CLASP2: variants seen among roughly 807,000 people sequenced by gnomAD.
CLASP2 encodes CLIP-associating protein 2.
A neutral mutation model predicts 194.4 loss-of-function variants in CLASP2; 47 were observed. That is an observed-to-expected ratio of 0.24 (90% CI 0.19 to 0.31). The LOEUF is 0.31. CLASP2 is among the 10% of genes least tolerant of loss of function. The pLI, the probability that CLASP2 is intolerant of heterozygous loss-of-function variation, is 1.00. For missense variants in CLASP2, 1,445 were observed against 1,823.6 expected, an observed-to-expected ratio of 0.79 and a Z score of 3.78; for synonymous variants, 619 against 633.5, an observed-to-expected ratio of 0.98 and a Z score of 0.34.
intron 18 of CLASP2, chr3:33,602,309 T>G: frequency 1.9e-6 from 1 of 516,134 alleles, no homozygotes; most frequent in Non-Finnish European, 3.4e-6. Context: ...TCAAAAAGTT[T>G]CAGATTTTGG....
At chr3:33,608,480 G>A in intron 14 of CLASP2, 87 bp downstream of exon 14, 1 of 1,061,910 alleles carries the variant, frequency 9.4e-7, no homozygotes, top group Middle Eastern at 2.0e-4. Flanking sequence ...AGCAAAATGA[G>A]AAATAATGTA....
intron 6 of CLASP2, among the ~76,000 whole-genome samples, chr3:33,668,831 T>C (rs114221286): frequency 8.6e-4 from 131 of 152,294 alleles, no homozygotes; most frequent in African/African-American, 3.0e-3. Flanking sequence ...ATCAACCTCT[T>C]ACTGACTAGC....
intron 8 of CLASP2, among the ~76,000 whole-genome samples, chr3:33,639,891 C>A (rs1022696589): frequency 2.0e-5 from 3 of 152,174 alleles, no homozygotes; most frequent in African/African-American, 4.8e-5. Context: ...CAAGAGGAAG[C>A]CCCTGACAGT....
Position 33,585,035 on chromosome 3 carries a change from G to A in CLASP2, c.2069-115C>T, listed in dbSNP as rs750289288. 4.8e-6 allele frequency: 4 copies of A among 828,296 alleles called. No individual in the cohort carries two copies. In the Admixed American group the frequency reaches 1.3e-4, roughly 27 times the overall value. The allele number at this position is 828,296 out of a possible 1,614,324, so 51.3% of individuals were successfully genotyped here. ...AGAGAAAACTGTGACAGTATGGCAG[G>A]TTCTACGCTCAAAGGAAATAGACCG... On this transcript the variant is annotated intron_variant, in intron 21 of 38. Transcript: ENST00000682230.
Position 33,501,695 on chromosome 3 carries a change from C to T in CLASP2, c.4391G>A (p.Gly1464Asp). Residue 1464 changes from glycine (G) to aspartate (D), a missense_variant, in exon 38 of 39, where the codon GGT becomes GAT. Coordinates refer to ENST00000682230, the MANE Select transcript of CLASP2 (RefSeq NM_001365631.1). ...FCLVAVHAVIGDELKPHLSQL... is the reference protein window; with the variant it reads ...FCLVAVHAVIDDELKPHLSQL... ...ACTGAGATGTGGTTTTAGTTCATCA[C>T]CAATTACCGCATGAACAGCCACCAG... 6.2e-7 allele frequency: 1 copy of T among 1,613,578 alleles called. No individual in the cohort carries two copies. Among genetic ancestry groups the T allele is most frequent in the Non-Finnish European group, 8.5e-7 (1 of 1,179,628 alleles).
intron 1 of CLASP2, among the ~76,000 whole-genome samples, chr3:33,699,916 C>G (rs1258645006): frequency 6.8e-6 from 1 of 147,426 alleles, no homozygotes; most frequent in Non-Finnish European, 1.5e-5. Flanking sequence ...TAATTCTATA[C>G]CTAGTTAAAA....
intron 28 of CLASP2, among the ~76,000 whole-genome samples, chr3:33,560,363 C>T (rs1476552557): frequency 6.6e-6 from 1 of 152,070 alleles, no homozygotes; most frequent in Non-Finnish European, 1.5e-5. Flanking sequence ...CTTCCTCAGC[C>T]TCTGGAGTAG....
intron 34 of CLASP2, among the ~76,000 whole-genome samples, chr3:33,534,571 A>G (rs1387747973): frequency 1.3e-5 from 2 of 152,166 alleles, no homozygotes; most frequent in Non-Finnish European, 2.9e-5. Flanking sequence ...AGTCTCTTAA[A>G]CAAAACACTA....
chr3:33,691,214 C>A (rs1318745713), intron 2 of CLASP2, among the ~76,000 whole-genome samples: 2 of 152,104 alleles, frequency 1.3e-5, no homozygotes, highest in Non-Finnish European at 2.9e-5. Flanking sequence ...TGGGGGACTA[C>A]TACATAGCTT....
At chr3:33,631,867 G>A (rs1577480949) in intron 9 of CLASP2, among the ~76,000 whole-genome samples, 1 of 151,588 alleles carries the variant, frequency 6.6e-6, no homozygotes, top group African/African-American at 2.4e-5. Flanking sequence ...AAAAAGCACT[G>A]AGTAAAAAGT....
intron 7 of CLASP2, among the ~76,000 whole-genome samples, chr3:33,645,969 C>A (rs551659494): frequency 2.7e-4 from 36 of 135,718 alleles, no homozygotes; most frequent in African/African-American, 9.5e-4. Flanking sequence ...CACACACACA[C>A]ACACACAATG....
At chr3:33,576,606 A>ACC (rs1371928587) in intron 23 of CLASP2, among the ~76,000 whole-genome samples, 4 of 152,198 alleles carry the variant, frequency 2.6e-5, no homozygotes, top group Non-Finnish European at 5.9e-5. Flanking sequence ...TATCATCCAT[A>ACC]CGGCTGAATC....
chr3:33,542,726 TTA>T (rs1270983724), intron 32 of CLASP2, among the ~76,000 whole-genome samples: 3 of 151,536 alleles, frequency 2.0e-5, no homozygotes, highest in African/African-American at 4.8e-5. Flanking sequence ...TATTTGTTAT[TTA>T]TATGTTTTGT....
rs573616983 is a variant in CLASP2 at position 33,604,142 on chromosome 3, A to C, written c.1750+12T>G. Reference sequence around the variant, plus strand: ...AAAATAGGTTATAACTCTTATTTAAAGAGAAAATTACCTCTTCCAGCCACA... The same window carrying C: ...AAAATAGGTTATAACTCTTATTTAACGAGAAAATTACCTCTTCCAGCCACA... On this transcript the variant is annotated intron_variant, in intron 17 of 38. Coordinates refer to ENST00000682230, the MANE Select transcript of CLASP2 (RefSeq NM_001365631.1). 3.2e-6 allele frequency: 5 copies of C among 1,544,932 alleles called. No individual in the cohort carries two copies. The South Asian group carries it at 6.0e-5, about 18-fold the overall frequency.
chr3:33,682,444 G>A (rs2089998697), intron 6 of CLASP2, among the ~76,000 whole-genome samples: 1 of 152,142 alleles, frequency 6.6e-6, no homozygotes. Flanking sequence ...TTTAAACCAA[G>A]TAATAGGTAA....
intron 1 of CLASP2, among the ~76,000 whole-genome samples, chr3:33,699,557 AGTATAG>A (rs1168433425): frequency 2.0e-5 from 3 of 152,202 alleles, no homozygotes; most frequent in African/African-American, 4.8e-5. Context: ...ACATTGTTAC[AGTATAG>A]TAGTCCCCCC....
intron 6 of CLASP2, among the ~76,000 whole-genome samples, chr3:33,678,282 A>T (rs2089194852): frequency 6.6e-6 from 1 of 152,134 alleles, no homozygotes; most frequent in Non-Finnish European, 1.5e-5. Context: ...GAGAACACCA[A>T]GCAGAACAAA....
intron 1 of CLASP2, among the ~76,000 whole-genome samples, chr3:33,713,672 T>A (rs977918034): frequency 1.3e-5 from 2 of 152,114 alleles, no homozygotes; most frequent in Non-Finnish European, 2.9e-5. Context: ...TAGTTATAAA[T>A]GTTTTCACTT....
chr3:33,664,851 A>T (rs1026504112), intron 6 of CLASP2, among the ~76,000 whole-genome samples: 1 of 151,824 alleles, frequency 6.6e-6, no homozygotes, highest in African/African-American at 2.4e-5. Flanking sequence ...TATAATCCCA[A>T]CACTTTGGGA....
Sources: allele counts gnomAD v4.1 joint callset (sites outside exome capture counted in the v4.1 genomes callset), GRCh38; gene constraint gnomAD v4.1.1; transcripts MANE v1.5; gene names NCBI Gene and HGNC (gene_info 2026-07-23, HGNC 2026-07-21).